Variants in UBE2E3 observed in about 807,000 individuals in gnomAD.
UBE2E3 encodes the protein ubiquitin-conjugating enzyme E2 E3.
Under a neutral mutation model 23.6 loss-of-function variants are expected in UBE2E3, and 5 were observed. That is an observed-to-expected ratio of 0.21 (90% confidence interval 0.11 to 0.44). The LOEUF is 0.44. UBE2E3 is among the 20% of genes least tolerant of loss of function. UBE2E3 has a pLI of 0.99. For missense variants in UBE2E3, 81 were observed against 249.8 expected (o/e 0.32, Z 4.55); for synonymous variants, 78 against 87.5 (o/e 0.89, Z 0.60).
chr2:181,034,606 A>G (rs189092488), intron 3 of UBE2E3, among the ~76,000 whole-genome samples: 4 of 152,218 alleles, frequency 2.6e-5, no homozygotes, highest in Admixed American at 6.5e-5. Flanking sequence ...CAGCACACCA[A>G]CATGGCACAT....
chr2:181,033,825 A>G (rs1287371677), intron 3 of UBE2E3, among the ~76,000 whole-genome samples: 4 of 152,182 alleles, frequency 2.6e-5, no homozygotes. Flanking sequence ...AACTCAAACA[A>G]ATTTAGAAGA....
rs187366167 is a variant in UBE2E3 at position 181,001,533 on chromosome 2, A to G, written c.245+17440A>G. Among the ~76,000 whole-genome samples the G allele has an allele frequency of 1.1e-4, 16 of 152,270 alleles. No individual in the cohort carries two copies. In the East Asian group the frequency reaches 2.3e-3, roughly 22 times the overall value. The stretch of plus-strand genomic sequence containing the variant: ...AAGGGATGGATTGATACAGCACCAG[A>G]TAAGTAGGTTTGCTTAAGCATAAGA... On this transcript the variant is annotated intron_variant, in intron 3 of 5. Transcript: ENST00000410062.
At chr2:181,049,545 C>G (rs1326307085) in intron 3 of UBE2E3, among the ~76,000 whole-genome samples, 1 of 151,988 alleles carries the variant, frequency 6.6e-6, no homozygotes, top group East Asian at 1.9e-4. Context: ...TATGATTATA[C>G]ACAATAGACT....
chr2:181,034,595 G>C (rs370058301), intron 3 of UBE2E3, among the ~76,000 whole-genome samples: 4 of 152,146 alleles, frequency 2.6e-5, no homozygotes, highest in South Asian at 4.1e-4. Flanking sequence ...GTTAATGGGT[G>C]CAGCACACCA....
intron 3 of UBE2E3, among the ~76,000 whole-genome samples, chr2:180,999,664 T>C (rs1186468027): frequency 2.0e-5 from 3 of 149,124 alleles, no homozygotes; most frequent in African/African-American, 4.9e-5. Context: ...AAAACCAAAA[T>C]ATAAAACAGA....
intron 3 of UBE2E3, among the ~76,000 whole-genome samples, chr2:181,017,651 A>AT (rs11481231): frequency 0.93 from 135,631 of 145,966 alleles, 63,506 homozygotes; most frequent in Non-Finnish European, 0.99. Context: ...TCCTTGATCC[A>AT]TTTTTTTTTT....
In UBE2E3 at chr2:181,054,778, A is replaced by G. The variant is rs1574223996; in HGVS notation, c.246-2915A>G. Among the ~76,000 whole-genome samples the G allele has an allele frequency of 2.0e-5, 3 of 151,930 alleles. No homozygotes were observed. In the East Asian group the frequency reaches 5.8e-4, roughly 30 times the overall value. Reference sequence around the variant, plus strand: ...CATATTGGTGGTATTGGGAGCCGTAAAACTGCATAAGATAACCAAAACAGT... The same window carrying G: ...CATATTGGTGGTATTGGGAGCCGTAGAACTGCATAAGATAACCAAAACAGT... On this transcript the variant is annotated intron_variant, in intron 3 of 5. Transcript: ENST00000410062.
chr2:181,005,276 G>T (rs569370325), intron 3 of UBE2E3, among the ~76,000 whole-genome samples: 66 of 152,310 alleles, frequency 4.3e-4, no homozygotes, highest in African/African-American at 1.5e-3. Context: ...CCTCCCAGCT[G>T]TGTTCTTCAG....
intron 3 of UBE2E3, among the ~76,000 whole-genome samples, chr2:181,020,658 T>G (rs753970756): frequency 6.6e-6 from 1 of 152,212 alleles, no homozygotes; most frequent in Non-Finnish European, 1.5e-5. Flanking sequence ...TTCTTGTGTC[T>G]AAGTTCAAAT....
In UBE2E3 at chr2:180,984,098, G is replaced by T. The variant is rs1483660696; in HGVS notation, c.245+5G>T. 3.1e-6 allele frequency: 5 copies of T among 1,609,594 alleles called. No homozygotes were observed. The highest frequency in any genetic ancestry group is 4.2e-6 in the Non-Finnish European group (5 of 1,176,958). On this transcript the variant is annotated splice_donor_5th_base_variant and intron_variant, in intron 3 of 5. Coordinates refer to ENST00000410062, the MANE Select transcript of UBE2E3 (RefSeq NM_006357.4). ...TGATCCTCCTCCTAATTGCAGGTAA[G>T]AAATGAATTTTGTTGTTTTGGTTTC...
At chr2:181,060,864 T>TC in intron 5 of UBE2E3, 52 bp downstream of exon 5, 1 of 83,912 alleles carries the variant, frequency 1.2e-5, no homozygotes, top group Non-Finnish European at 1.8e-5. Context: ...ACGAGTGCTT[T>TC]TTTTTTTTTT....
rs1436506248 is a variant in UBE2E3, at chr2:181,034,011, A to G, written c.246-23682A>G. Among the ~76,000 whole-genome samples, 7 of 152,328 alleles carry G rather than the reference A, an allele frequency of 4.6e-5. No individual in the cohort carries two copies. The East Asian group carries it at 1.2e-3, about 25-fold the overall frequency. On this transcript the variant is annotated intron_variant, in intron 3 of 5. Coordinates refer to ENST00000410062, the MANE Select transcript of UBE2E3 (RefSeq NM_006357.4). ...CACACCAGTTAGAATGGCAATCATT[A>G]AAAAGTCAGGAAACAACAGGTGCTG...
intron 3 of UBE2E3, among the ~76,000 whole-genome samples, chr2:181,056,965 C>G (rs949372990): frequency 6.6e-6 from 1 of 151,626 alleles, no homozygotes; most frequent in Non-Finnish European, 1.5e-5. Context: ...CTATTTCAGC[C>G]AGAAATGCGT....
At chr2:180,991,958 G>A (rs1684671247) in intron 3 of UBE2E3, among the ~76,000 whole-genome samples, 1 of 152,154 alleles carries the variant, frequency 6.6e-6, no homozygotes, top group Non-Finnish European at 1.5e-5. Context: ...CTGGAACTGT[G>A]GAAAGTGGAA....
intron 3 of UBE2E3, among the ~76,000 whole-genome samples, chr2:181,038,966 T>C (rs944096585): frequency 9.2e-5 from 14 of 152,082 alleles, no homozygotes; most frequent in Admixed American, 6.6e-5. Context: ...TACATTACCA[T>C]TGAGAAGGCA....
chr2:181,036,379 G>A (rs1389071339), intron 3 of UBE2E3, among the ~76,000 whole-genome samples: 1 of 152,222 alleles, frequency 6.6e-6, no homozygotes, highest in Non-Finnish European at 1.5e-5. Context: ...GCAGGTCCTT[G>A]AATAATGGTT....
chr2:180,986,646 G>A (rs1189009234), intron 3 of UBE2E3, among the ~76,000 whole-genome samples: 7 of 152,200 alleles, frequency 4.6e-5, no homozygotes, highest in South Asian at 2.1e-4. Context: ...TCTAGAATAT[G>A]TGAATTCATA....
At chr2:181,021,393 T>C (rs960353278) in intron 3 of UBE2E3, among the ~76,000 whole-genome samples, 1 of 151,006 alleles carries the variant, frequency 6.6e-6, no homozygotes, top group African/African-American at 2.4e-5. Context: ...TTTCCTCTTT[T>C]CTCTTTTCTT....
At chr2:181,027,440 A>G (rs1435355101) in intron 3 of UBE2E3, among the ~76,000 whole-genome samples, 1 of 152,010 alleles carries the variant, frequency 6.6e-6, no homozygotes, top group Non-Finnish European at 1.5e-5. Flanking sequence ...TGAAATAGGA[A>G]CTATTTGACC....
Sources: gnomAD v4.1 joint callset for allele counts (sites outside exome capture counted in the v4.1 genomes callset) on GRCh38, gnomAD v4.1.1 for gene constraint, MANE v1.5 for transcripts, NCBI Gene and HGNC (gene_info 2026-07-23, HGNC 2026-07-21) for gene names.